Variants in ME1 observed in about 807,000 individuals in gnomAD.
The protein encoded by ME1 is malic enzyme 1.
A neutral mutation model predicts 66.4 loss-of-function variants in ME1; 74 were observed. That is an observed-to-expected ratio of 1.11 (90% confidence interval 0.92 to 1.35). The LOEUF (loss-of-function observed/expected upper bound fraction) is 1.35. Ranked by LOEUF, ME1 falls within the 40% of genes most tolerant of loss-of-function variation. The probability of loss-of-function intolerance (pLI) is 0.00; values close to 1 mark genes in which losing one functional copy is unlikely to be tolerated. For missense variants in ME1, 750 were observed against 694.1 expected, an observed-to-expected ratio of 1.08 and a Z score of -0.90; for synonymous variants, 251 against 235.6, an observed-to-expected ratio of 1.07 and a Z score of -0.60.
intron 1 of ME1, among the ~76,000 whole-genome samples, chr6:83,429,228 A>C (rs1253878454): frequency 6.6e-6 from 1 of 152,148 alleles, no homozygotes; most frequent in Non-Finnish European, 1.5e-5. Flanking sequence ...GCGCCACTGC[A>C]CTCCAACCTG....
chr6:83,362,968 C>T (rs1482046384), intron 3 of ME1, among the ~76,000 whole-genome samples: 1 of 152,110 alleles, frequency 6.6e-6, no homozygotes, highest in African/African-American at 2.4e-5. Context: ...GTGAAACGGC[C>T]TTTTGAAGTC....
intron 1 of ME1, among the ~76,000 whole-genome samples, chr6:83,423,204 T>TTC (rs1770304461): frequency 1.3e-5 from 2 of 151,776 alleles, no homozygotes; most frequent in African/African-American, 4.8e-5. Flanking sequence ...GGCTTTTTTT[T>TTC]TTTTAGGTCT....
At chr6:83,287,109 C>T (rs76759736) in intron 6 of ME1, among the ~76,000 whole-genome samples, 2,537 of 152,090 alleles carry the variant, frequency 0.017, 70 homozygotes, top group East Asian at 0.06. Flanking sequence ...ATACTAAAAA[C>T]GTTTTTATTA....
chr6:83,309,710 A>T (rs2128538179), intron 6 of ME1, among the ~76,000 whole-genome samples: 1 of 152,244 alleles, frequency 6.6e-6, no homozygotes, highest in Middle Eastern at 3.4e-3. Context: ...ACTTGATGAG[A>T]TTACCAAGGA....
chr6:83,428,819 T>C (rs779596964), intron 1 of ME1, among the ~76,000 whole-genome samples: 64 of 152,200 alleles, frequency 4.2e-4, no homozygotes, highest in Non-Finnish European at 2.4e-4. Flanking sequence ...GATAAAAAGT[T>C]CAAGTATTAC....
chr6:83,273,502 G>T (rs142034890), intron 6 of ME1, among the ~76,000 whole-genome samples: 3 of 152,106 alleles, frequency 2.0e-5, no homozygotes, highest in African/African-American at 7.2e-5. Flanking sequence ...CAACACTTAC[G>T]TTTCAACAAA....
At chr6:83,357,935 C>CTCTATATA (rs1447805761) in intron 3 of ME1, among the ~76,000 whole-genome samples, 8 of 30,036 alleles carry the variant, frequency 2.7e-4, no homozygotes, top group Non-Finnish European at 4.1e-4. Context: ...CTCTCTCTCT[C>CTCTATATA]TATATATATA....
At chr6:83,263,293 A>C (rs1000318367) in intron 6 of ME1, among the ~76,000 whole-genome samples, 1 of 152,178 alleles carries the variant, frequency 6.6e-6, no homozygotes, top group Non-Finnish European at 1.5e-5. Flanking sequence ...AAATTAGGCC[A>C]ATTAACAACC....
Position 83,430,946 on chromosome 6 carries a change from G to A in ME1, c.9C>T (p.Pro3=), listed in dbSNP as rs769615771. 13 of 1,579,406 alleles carry A rather than the reference G, an allele frequency of 8.2e-6. No homozygotes were observed. Among genetic ancestry groups the A allele is most frequent in the Admixed American group, 1.8e-5 (1 of 55,852 alleles). The stretch of plus-strand genomic sequence containing the variant: ...GGGTGTGGCGGCGACGGGGGGCTTC[G>A]GGCTCCATGGCTGGCGCCGGGTTCG... ME[P]EAPRRRHTHQ... Residue 3 remains proline, a synonymous_variant, in exon 1 of 14, where the codon CCC becomes CCT. Transcript: ENST00000369705.
chr6:83,376,065 G>A (rs925750730), intron 3 of ME1, among the ~76,000 whole-genome samples: 2 of 152,042 alleles, frequency 1.3e-5, no homozygotes, highest in African/African-American at 4.8e-5. Context: ...ATTAACAAAT[G>A]AGAAACAATT....
intron 7 of ME1, among the ~76,000 whole-genome samples, chr6:83,240,284 TG>T (rs1356393835): frequency 1.3e-5 from 2 of 152,126 alleles, no homozygotes; most frequent in African/African-American, 4.8e-5. Context: ...TTGATACATT[TG>T]GAATTTAATG....
chr6:83,243,849 A>AT lies in ME1; in HGVS notation c.815-4214dup, dbSNP rs546312769. ...ATATAATATATAATATAAATTATAT[A>AT]TATAATTATATATAACTCTCTCTCT... On this transcript the variant is annotated intron_variant, in intron 7 of 13. Transcript: ENST00000369705. Among the ~76,000 whole-genome samples the AT allele has an allele frequency of 4.9e-4, 62 of 125,808 alleles. 1 individual carries two copies. In the South Asian group the frequency reaches 0.011, roughly 23 times the overall value. The allele number at this position is 125,808 out of a possible 152,430, so 82.5% of individuals were successfully genotyped here. A position where few individuals can be genotyped will look rare whatever the true frequency, so the allele number is the denominator to read the frequency against.
intron 6 of ME1, among the ~76,000 whole-genome samples, chr6:83,281,865 AAG>A (rs1491229264): frequency 1.4e-5 from 2 of 146,932 alleles, no homozygotes; most frequent in Non-Finnish European, 3.0e-5. Context: ...GAAAAAAAAA[AAG>A]AGAGAAAAAA....
At chr6:83,367,441 T>C (rs948334674) in intron 3 of ME1, among the ~76,000 whole-genome samples, 1 of 152,246 alleles carries the variant, frequency 6.6e-6, no homozygotes, top group Admixed American at 6.5e-5. Context: ...GAAAGTCCTA[T>C]GGCATCTTCT....
chr6:83,428,766 C>A (rs6941094), intron 1 of ME1, among the ~76,000 whole-genome samples: 53,515 of 151,880 alleles, frequency 0.35, 9,811 homozygotes, highest in Middle Eastern at 0.48. Flanking sequence ...CGATTGCCTC[C>A]AAGTTGGTAC....
intron 6 of ME1, among the ~76,000 whole-genome samples, chr6:83,314,229 A>T (rs1056297829): frequency 6.6e-6 from 1 of 152,182 alleles, no homozygotes. Context: ...GCCCACAATC[A>T]AATGCTAACT....
chr6:83,357,902 C>CCTCTCT lies in ME1; in HGVS notation c.363-5769_363-5764dup, dbSNP rs1051682306. Among the ~76,000 whole-genome samples the CCTCTCT allele has an allele frequency of 6.4e-3, 201 of 31,442 alleles. 10 individuals carry two copies. Among genetic ancestry groups the CCTCTCT allele is most frequent in the Middle Eastern group, 0.033 (1 of 30 alleles). The allele number at this position is 31,442 out of a possible 152,430, so 20.6% of individuals were successfully genotyped here. A position where few individuals can be genotyped will look rare whatever the true frequency, so the allele number is the denominator to read the frequency against. On this transcript the variant is annotated intron_variant, in intron 3 of 13. Coordinates refer to ENST00000369705, the MANE Select transcript of ME1 (RefSeq NM_002395.6). ...TGTTAGTTAATACTTAATAAACTCCCCTCTCTCTCTCTCTCTCTCTCTCTC... is the reference window on the plus strand; with the variant it reads ...TGTTAGTTAATACTTAATAAACTCCCCTCTCTCTCTCTCTCTCTCTCTCTCTCTCTC...
At chr6:83,402,823 T>C (rs1769862705) in intron 2 of ME1, among the ~76,000 whole-genome samples, 1 of 152,168 alleles carries the variant, frequency 6.6e-6, no homozygotes, top group South Asian at 2.1e-4. Flanking sequence ...AAAGGGGATA[T>C]GGATTGGGTC....
At position 83,283,227 on chromosome 6, in the gene ME1, CAAAAAA is replaced by C. The variant is rs71545854; in HGVS notation, c.705-29495_705-29490del. 1.3e-3 allele frequency among the ~76,000 whole-genome samples: 39 copies of C among 28,916 alleles called. 3 individuals are homozygous for C. Among genetic ancestry groups the C allele is most frequent in the African/African-American group, 5.1e-3 (37 of 7,236 alleles). The allele number at this position is 28,916 out of a possible 152,430, so 19.0% of individuals were successfully genotyped here. On this transcript the variant is annotated intron_variant, in intron 6 of 13. Transcript: ENST00000369705. ...TGGGCGACAGAGCAAGACTCCGTCTCAAAAAAAAAAAAAAAAAAAAATGATGAGTTC... is the reference window on the plus strand; with the variant it reads ...TGGGCGACAGAGCAAGACTCCGTCTCAAAAAAAAAAAAAAATGATGAGTTC...
Sources: allele counts gnomAD v4.1 joint callset (sites outside exome capture counted in the v4.1 genomes callset), GRCh38; gene constraint gnomAD v4.1.1; transcripts MANE v1.5; gene names NCBI Gene and HGNC (gene_info 2026-07-23, HGNC 2026-07-21).